ZNF148: variants seen among roughly 807,000 people sequenced by gnomAD.
ZNF148 encodes Beta-Enolase Repressor Factor-1.
Under a neutral mutation model 67.7 loss-of-function variants are expected in ZNF148, and 7 were observed. That is an observed-to-expected ratio of 0.10 (90% CI 0.06 to 0.19). The LOEUF (loss-of-function observed/expected upper bound fraction) is 0.19. ZNF148 is among the 10% of genes least tolerant of loss of function. The probability of loss-of-function intolerance (pLI) is 1.00; values close to 1 mark genes in which losing one functional copy is unlikely to be tolerated. For synonymous variants in ZNF148, 333 were observed against 330.7 expected (o/e 1.01, Z -0.08); for missense variants, 583 against 947.1 (o/e 0.62, Z 5.05).
chr3:125,339,759 G>A (rs1941637684), intron 1 of ZNF148, among the ~76,000 whole-genome samples: 1 of 152,018 alleles, frequency 6.6e-6, no homozygotes, highest in South Asian at 2.1e-4. Context: ...AATATCTCAT[G>A]TACCCCATAA....
In ZNF148 at chr3:125,233,037, T is replaced by A. The variant is rs766026515; in HGVS notation, c.1689A>T (p.Ala563=). ...NGQHEISFSV[A]DTEVTSSISI... ...ATATGCTAGAAGTCACTTCAGTATC[T>A]GCAACACTGAAGGATATCTCATGCT... Residue 563 remains alanine (A), a synonymous_variant, in exon 9 of 9, where the codon GCA becomes GCT. Transcript: ENST00000360647. The surrounding 1 kb of genome is among the most constrained non-coding windows in gnomAD (Gnocchi z 5.1). 1 of 1,613,528 alleles carries A rather than the reference T, an allele frequency of 6.2e-7. No individual in the cohort carries two copies. The highest frequency in any genetic ancestry group is 8.5e-7 in the Non-Finnish European group (1 of 1,179,828).
At chr3:125,294,285 C>A (rs984145471) in intron 4 of ZNF148, among the ~76,000 whole-genome samples, 5 of 152,218 alleles carry the variant, frequency 3.3e-5, no homozygotes, top group Admixed American at 3.3e-4. Flanking sequence ...AAATGTGGGT[C>A]CTGAATTGAA....
rs182924740 is a variant in ZNF148 at position 125,360,990 on chromosome 3, C to T, written c.-234+14112G>A. 4.9e-4 allele frequency among the ~76,000 whole-genome samples: 75 copies of T among 151,758 alleles called. No homozygotes were observed. The East Asian group carries it at 0.013, about 27-fold the overall frequency. On this transcript the variant is annotated intron_variant, in intron 1 of 8. Coordinates refer to ENST00000360647, the MANE Select transcript of ZNF148 (RefSeq NM_021964.3). The stretch of plus-strand genomic sequence containing the variant: ...AGGCTGCAGTGAGCCATGACTGGAC[C>T]ACTGCACTCCAGCCTGGGTAACAGA...
chr3:125,338,165 A>G (rs189367238), intron 1 of ZNF148, among the ~76,000 whole-genome samples: 1 of 152,262 alleles, frequency 6.6e-6, no homozygotes, highest in African/African-American at 2.4e-5. Flanking sequence ...CTACTCTAAC[A>G]TAACACCACA....
intron 2 of ZNF148, among the ~76,000 whole-genome samples, chr3:125,327,256 T>C (rs1028212595): frequency 6.6e-6 from 1 of 152,142 alleles, no homozygotes; most frequent in Admixed American, 6.5e-5. Flanking sequence ...GTAACTAACA[T>C]TATTGAAAGG....
chr3:125,323,454 A>AAC lies in ZNF148; in HGVS notation c.-152-12_-152-11dup. ...TTATGCCATCCGATTCCTACAATAA[A>AAC]ACACACACACAACAAACATTATTTA... On this transcript the variant is annotated splice_polypyrimidine_tract_variant and intron_variant, in intron 2 of 8. Coordinates refer to ENST00000360647, the MANE Select transcript of ZNF148 (RefSeq NM_021964.3). 3 of 673,998 alleles carry AAC rather than the reference A, an allele frequency of 4.5e-6. No individual in the cohort carries two copies. The allele number at this position is 673,998 out of a possible 1,614,324, so 41.8% of individuals were successfully genotyped here.
At chr3:125,357,739 T>TCAACCTCACAAACC (rs1942406175) in intron 1 of ZNF148, 1 of 152,292 alleles carries the variant, frequency 6.6e-6, no homozygotes, top group African/African-American at 2.4e-5. Context: ...TCCTCACCTC[T>TCAACCTCACAAACC]ACAAACCAAG....
At chr3:125,349,317 C>T (rs760598097) in intron 1 of ZNF148, among the ~76,000 whole-genome samples, 13 of 152,172 alleles carry the variant, frequency 8.5e-5, no homozygotes, top group Non-Finnish European at 1.3e-4. Flanking sequence ...AAAATATTTG[C>T]AACTACACAT....
intron 1 of ZNF148, among the ~76,000 whole-genome samples, chr3:125,341,081 G>A (rs1941702013): frequency 7.0e-6 from 1 of 142,322 alleles, no homozygotes; most frequent in African/African-American, 2.6e-5. Context: ...ATCAACCAAA[G>A]CCAAAGTAGA....
At chr3:125,234,556 T>C (rs761550262) in intron 7 of ZNF148, among the ~76,000 whole-genome samples, 38 of 152,226 alleles carry the variant, frequency 2.5e-4, no homozygotes, top group Non-Finnish European at 4.3e-4. Context: ...TATGTGCGTA[T>C]GTAATACCCT....
At chr3:125,271,428 A>C (rs1937729158) in intron 7 of ZNF148, among the ~76,000 whole-genome samples, 1 of 152,262 alleles carries the variant, frequency 6.6e-6, no homozygotes, top group Admixed American at 6.5e-5. Context: ...GGCCAGGTTC[A>C]GTACTGGCTT....
At chr3:125,348,147 T>C (rs772754972) in intron 1 of ZNF148, among the ~76,000 whole-genome samples, 2 of 151,672 alleles carry the variant, frequency 1.3e-5, no homozygotes, top group Admixed American at 6.6e-5. Flanking sequence ...TAGTCCCAGC[T>C]ACTCGGGAGG....
intron 7 of ZNF148, among the ~76,000 whole-genome samples, chr3:125,244,411 G>A (rs762676666): frequency 4.6e-5 from 7 of 151,968 alleles, no homozygotes; most frequent in Non-Finnish European, 7.4e-5. Flanking sequence ...CATTCCATCC[G>A]GCTGCTGCAA....
chr3:125,367,754 A>G (rs1942744926), intron 1 of ZNF148, among the ~76,000 whole-genome samples: 1 of 152,220 alleles, frequency 6.6e-6, no homozygotes, highest in African/African-American at 2.4e-5. Context: ...AAATGCCAGG[A>G]TAACAGGGCC....
At position 125,329,870 on chromosome 3, in the gene ZNF148, A is replaced by G. The variant is rs143553514; in HGVS notation, c.-153+1288T>C. 1.4e-4 allele frequency among the ~76,000 whole-genome samples: 21 copies of G among 152,324 alleles called. 1 individual carries two copies. In the East Asian group the frequency reaches 3.9e-3, roughly 28 times the overall value. On this transcript the variant is annotated intron_variant, in intron 2 of 8. Coordinates refer to ENST00000360647, the MANE Select transcript of ZNF148 (RefSeq NM_021964.3). ...TTATTTTTTAATATTACTGAATAAT[A>G]TGGTGTGATCTCATTTGTGTAAAAA...
At position 125,313,661 on chromosome 3, in the gene ZNF148, A is replaced by G. The variant is rs1277943772; in HGVS notation, c.-16-5T>C. The G allele has an allele frequency of 1.3e-5, 20 of 1,584,162 alleles. No individual in the cohort carries two copies. The Admixed American group carries it at 3.5e-4, about 28-fold the overall frequency. On this transcript the variant is annotated splice_polypyrimidine_tract_variant and splice_region_variant and intron_variant, in intron 3 of 8. Transcript: ENST00000360647. ...TTCATGCTTAAGTATAACTGCCTAGAAAACCAAGTTTGGCAACAAAACATA... is the reference window on the plus strand; with the variant it reads ...TTCATGCTTAAGTATAACTGCCTAGGAAACCAAGTTTGGCAACAAAACATA...
intron 1 of ZNF148, among the ~76,000 whole-genome samples, chr3:125,353,111 T>C (rs764541911): frequency 6.6e-6 from 1 of 152,208 alleles, no homozygotes; most frequent in Non-Finnish European, 1.5e-5. Context: ...CAAATGTCCA[T>C]AACCTCTTTA....
At chr3:125,369,343 C>T (rs1279411333) in intron 1 of ZNF148, among the ~76,000 whole-genome samples, 1 of 133,544 alleles carries the variant, frequency 7.5e-6, no homozygotes, top group Admixed American at 7.6e-5. Context: ...TCCAGATTTC[C>T]CACACTAAAA....
At chr3:125,309,422 G>A (rs1027552107) in intron 4 of ZNF148, among the ~76,000 whole-genome samples, 1 of 152,072 alleles carries the variant, frequency 6.6e-6, no homozygotes, top group Non-Finnish European at 1.5e-5. Context: ...TCACAAGAAA[G>A]AGACATCTTT....
Sources: gnomAD v4.1 joint callset for allele counts (sites outside exome capture counted in the v4.1 genomes callset) on GRCh38, gnomAD v4.1.1 for gene constraint, Gnocchi (gnomAD v3.1) non-coding constraint, MANE v1.5 for transcripts, NCBI Gene and HGNC (gene_info 2026-07-23, HGNC 2026-07-21) for gene names.